Variants in TTC29 observed in about 807,000 individuals in gnomAD.
TTC29 encodes tetratricopeptide repeat domain 29.
Under a neutral mutation model 58.1 loss-of-function variants are expected in TTC29, and 49 were observed. The observed-to-expected ratio is 0.84, with a 90% CI of 0.67 to 1.07. The LOEUF is 1.07. Among genes scored for constraint, TTC29 ranks in the 50% least tolerant of loss-of-function variants. TTC29 has a pLI of 0.00. For missense variants in TTC29, 582 were observed against 555.6 expected (o/e 1.05, Z -0.48); for synonymous variants, 209 against 196.8 (o/e 1.06, Z -0.52).
intron 8 of TTC29, among the ~76,000 whole-genome samples, chr4:146,843,988 C>CAA: frequency 6.6e-6 from 1 of 152,248 alleles, no homozygotes; most frequent in East Asian, 1.9e-4. Flanking sequence ...TAATATTAAA[C>CAA]AGCAGTTAAA....
intron 10 of TTC29, among the ~76,000 whole-genome samples, chr4:146,818,281 A>G (rs1751562855): frequency 1.3e-5 from 2 of 152,238 alleles, no homozygotes; most frequent in Admixed American, 6.5e-5. Context: ...AAGGATATGA[A>G]CAGACACTTC....
chr4:146,802,768 C>A (rs1023797459), intron 11 of TTC29, among the ~76,000 whole-genome samples: 1 of 152,120 alleles, frequency 6.6e-6, no homozygotes, highest in Admixed American at 6.5e-5. Flanking sequence ...AATAAAAGAA[C>A]TCTAAAGGCT....
intron 2 of TTC29, chr4:146,944,070 G>C (rs1736687892): frequency 6.6e-6 from 1 of 152,330 alleles, no homozygotes. Context: ...GTTCAGGTGA[G>C]TAAGAAAGAA....
At chr4:146,941,782 T>C (rs73855099) in intron 2 of TTC29, among the ~76,000 whole-genome samples, 3,351 of 152,192 alleles carry the variant, frequency 0.022, 108 homozygotes, top group African/African-American at 0.076. Flanking sequence ...CCTGAAAAAA[T>C]CACTCTGAGT....
chr4:146,714,830 C>T (rs2655616), intron 11 of TTC29, among the ~76,000 whole-genome samples: 152,255 of 152,258 alleles, frequency 1, 76,126 homozygotes, highest in Non-Finnish European at 1. Context: ...GACAACGTTG[C>T]ACAAAGGTGA....
intron 11 of TTC29, among the ~76,000 whole-genome samples, chr4:146,751,187 C>A (rs530204492): frequency 3.9e-5 from 6 of 152,156 alleles, no homozygotes; most frequent in South Asian, 4.2e-4. Context: ...ATATATGCAC[C>A]CAACATTGGA....
Position 146,734,143 on chromosome 4 carries a change from T to C in TTC29, c.1331-26592A>G, listed in dbSNP as rs539654095. 1.7e-4 allele frequency among the ~76,000 whole-genome samples: 26 copies of C among 152,310 alleles called. No individual in the cohort carries two copies. In the South Asian group the frequency reaches 4.8e-3, roughly 28 times the overall value. On this transcript the variant is annotated intron_variant, in intron 11 of 12. Transcript: ENST00000325106. ...AACATTTTCTATTATTTTATTTCTA[T>C]AATATGATTGATTGCAAACCAAAAG...
intron 6 of TTC29, among the ~76,000 whole-genome samples, chr4:146,879,739 C>T (rs574802566): frequency 2.0e-5 from 3 of 152,160 alleles, no homozygotes; most frequent in Admixed American, 6.6e-5. Flanking sequence ...GGACTGTCCT[C>T]CTCTGGAATT....
At chr4:146,944,034 T>C (rs905733447) in intron 2 of TTC29, 23 of 152,384 alleles carry the variant, frequency 1.5e-4, no homozygotes, top group African/African-American at 5.5e-4. Flanking sequence ...CAAGATGGTG[T>C]GGCTGCAGGA....
At chr4:146,866,525 T>C (rs1215883288) in intron 8 of TTC29, among the ~76,000 whole-genome samples, 1 of 152,178 alleles carries the variant, frequency 6.6e-6, no homozygotes, top group Admixed American at 6.6e-5. Context: ...ATTGTGGTTA[T>C]GCTTGCAAGT....
intron 11 of TTC29, among the ~76,000 whole-genome samples, chr4:146,738,328 C>T (rs1189845242): frequency 6.6e-6 from 1 of 152,092 alleles, no homozygotes; most frequent in African/African-American, 2.4e-5. Context: ...GCAAGAGAGG[C>T]CATTGTCTTT....
At chr4:146,846,363 G>A (rs1412337505) in intron 8 of TTC29, among the ~76,000 whole-genome samples, 1 of 151,948 alleles carries the variant, frequency 6.6e-6, no homozygotes, top group Non-Finnish European at 1.5e-5. Context: ...AGTGTGGACC[G>A]GTGGGTCAGA....
At chr4:146,710,415 AT>A (rs1474943787) in intron 11 of TTC29, among the ~76,000 whole-genome samples, 1 of 152,156 alleles carries the variant, frequency 6.6e-6, no homozygotes, top group Admixed American at 6.6e-5. Flanking sequence ...CAGCTCCATT[AT>A]AAACTTTTAG....
chr4:146,870,537 C>T (rs1044232883), intron 7 of TTC29, among the ~76,000 whole-genome samples: 1 of 151,332 alleles, frequency 6.6e-6, no homozygotes, highest in Non-Finnish European at 1.5e-5. Context: ...TAGTGAAAAT[C>T]AACAAAACAA....
At chr4:146,823,117 A>T (rs1463669393) in intron 9 of TTC29, among the ~76,000 whole-genome samples, 1 of 151,998 alleles carries the variant, frequency 6.6e-6, no homozygotes, top group African/African-American at 2.4e-5. Context: ...ATTAGATCCC[A>T]TTTGTGAATT....
At chr4:146,823,252 C>G (rs1422175723) in intron 9 of TTC29, among the ~76,000 whole-genome samples, 2 of 152,086 alleles carry the variant, frequency 1.3e-5, no homozygotes, top group African/African-American at 4.8e-5. Context: ...ACATTTAAGT[C>G]TTTAATTCAT....
At chr4:146,779,056 C>T (rs577225371) in intron 11 of TTC29, among the ~76,000 whole-genome samples, 120 of 132,300 alleles carry the variant, frequency 9.1e-4, no homozygotes, top group African/African-American at 3.3e-3. Flanking sequence ...TAGACAACAA[C>T]AGCTTTGAAC....
At chr4:146,777,100 G>T (rs569171012) in intron 11 of TTC29, among the ~76,000 whole-genome samples, 18 of 152,324 alleles carry the variant, frequency 1.2e-4, no homozygotes, top group African/African-American at 4.3e-4. Flanking sequence ...GCACACAGGG[G>T]TGGGGACAGG....
chr4:146,915,599 A>G (rs1468304712), intron 4 of TTC29, among the ~76,000 whole-genome samples: 2 of 152,074 alleles, frequency 1.3e-5, no homozygotes, highest in African/African-American at 4.8e-5. Flanking sequence ...AAAAAGATGA[A>G]TAGATGCAAT....
Sources: allele counts gnomAD v4.1 joint callset (sites outside exome capture counted in the v4.1 genomes callset), GRCh38; gene constraint gnomAD v4.1.1; transcripts MANE v1.5; gene names NCBI Gene and HGNC (gene_info 2026-07-23, HGNC 2026-07-21).